ATP2C1: variants seen among roughly 807,000 people sequenced by gnomAD.
ATP2C1 encodes the protein ATPase secretory pathway Ca2+ transporting 1, also known as calcium-transporting ATPase type 2C member 1.
ATP2C1 carries 31 observed loss-of-function variants against 120.5 expected under a neutral mutation model. That is an observed-to-expected ratio of 0.26 (90% CI 0.19 to 0.35). The LOEUF (loss-of-function observed/expected upper bound fraction) is 0.35, where lower values mean the gene tolerates loss of function less well. Among genes scored for constraint, ATP2C1 ranks in the 10% least tolerant of loss-of-function variants. The probability of loss-of-function intolerance (pLI) is 1.00; values close to 1 mark genes in which losing one functional copy is unlikely to be tolerated. For synonymous variants in ATP2C1, 351 were observed against 358.7 expected, an observed-to-expected ratio of 0.98 and a Z score of 0.24; for missense variants, 731 against 1,107.5, an observed-to-expected ratio of 0.66 and a Z score of 4.83.
chr3:130,861,996 T>A (rs2068028360), intron 1 of ATP2C1, among the ~76,000 whole-genome samples: 1 of 152,128 alleles, frequency 6.6e-6, no homozygotes, highest in Non-Finnish European at 1.5e-5. Context: ...TTTTTTGAGA[T>A]GGAGTTTCGC....
chr3:130,959,469 A>G, intron 12 of ATP2C1, 128 bp downstream of exon 12: 1 of 623,046 alleles, frequency 1.6e-6, no homozygotes, highest in Non-Finnish European at 2.9e-6. Flanking sequence ...CGCTACATAA[A>G]TAGTTCAGAA....
intron 20 of ATP2C1, among the ~76,000 whole-genome samples, chr3:130,989,700 T>C (rs1471170660): frequency 2.0e-5 from 3 of 152,264 alleles, no homozygotes; most frequent in Non-Finnish European, 4.4e-5. Context: ...TTCGTTCTTT[T>C]GTTCCTTTGT....
intron 26 of ATP2C1, chr3:131,015,117 G>C (rs1196612181): frequency 3.1e-6 from 2 of 634,956 alleles, no homozygotes; most frequent in Non-Finnish European, 5.6e-6. Flanking sequence ...TCTTATTTGT[G>C]TTAGCTCAGA....
chr3:131,004,068 C>A (rs2063007311), downstream of ATP2C1, among the ~76,000 whole-genome samples: 1 of 152,086 alleles, frequency 6.6e-6, no homozygotes, highest in Non-Finnish European at 1.5e-5. Context: ...CCTGTAGGAG[C>A]CCATGAACAC....
At chr3:130,973,865 A>T (rs1251409390) in intron 17 of ATP2C1, among the ~76,000 whole-genome samples, 1 of 152,222 alleles carries the variant, frequency 6.6e-6, no homozygotes, top group Admixed American at 6.5e-5. Flanking sequence ...AAATGTGAGG[A>T]TAGAAGAAAA....
intron 8 of ATP2C1, among the ~76,000 whole-genome samples, chr3:130,950,364 G>C (rs1007309058): frequency 6.6e-6 from 1 of 152,072 alleles, no homozygotes; most frequent in Non-Finnish European, 1.5e-5. Flanking sequence ...CTGGCTGGCT[G>C]TCATGGGGCT....
chr3:130,980,175 A>G (rs1287370242), intron 19 of ATP2C1, among the ~76,000 whole-genome samples: 1 of 151,928 alleles, frequency 6.6e-6, no homozygotes, highest in African/African-American at 2.4e-5. Flanking sequence ...TCTTCGTTAC[A>G]TTTCAGCTGC....
intron 26 of ATP2C1, chr3:131,015,391 A>G (rs367910264): frequency 2.2e-5 from 13 of 587,614 alleles, no homozygotes; most frequent in African/African-American, 9.4e-5. Context: ...GTCAATTACC[A>G]AGATGTCCAA....
rs188772354 is a variant in ATP2C1, at chr3:130,879,633, T to A, written c.108+28705T>A. Among the ~76,000 whole-genome samples, 10 of 152,356 alleles carry A rather than the reference T, an allele frequency of 6.6e-5. No individual in the cohort carries two copies. The East Asian group carries it at 1.5e-3, about 24-fold the overall frequency. On this transcript the variant is annotated intron_variant, in intron 1 of 26. Transcript: ENST00000504381. ...TTCATGTTATTTTGTTTCTCTATGT[T>A]AATATCTGTGCATCTGGTGTAACCG...
At chr3:130,952,881 T>C (rs575585097) in intron 8 of ATP2C1, among the ~76,000 whole-genome samples, 327 of 152,302 alleles carry the variant, frequency 2.1e-3, no homozygotes, top group Middle Eastern at 6.8e-3. Flanking sequence ...AGCAAAGGAC[T>C]CTTAACTTCT....
At chr3:130,852,601 G>C (rs373339587) in intron 1 of ATP2C1, among the ~76,000 whole-genome samples, 25 of 152,210 alleles carry the variant, frequency 1.6e-4, no homozygotes, top group East Asian at 7.7e-4. Flanking sequence ...GAATAATTAA[G>C]AGAAATAATA....
intron 1 of ATP2C1, among the ~76,000 whole-genome samples, chr3:130,864,633 C>T (rs921330248): frequency 5.3e-5 from 8 of 152,180 alleles, no homozygotes; most frequent in Non-Finnish European, 1.2e-4. Context: ...TGTGTGCAGC[C>T]TAGGGACTTG....
chr3:130,893,700 C>G (rs1401385565), upstream of ATP2C1, among the ~76,000 whole-genome samples: 1 of 152,200 alleles, frequency 6.6e-6, no homozygotes, highest in Non-Finnish European at 1.5e-5. Context: ...CAGCTTGGGC[C>G]GACCCCGCGG....
At chr3:130,917,132 A>T (rs1003510346) in intron 2 of ATP2C1, among the ~76,000 whole-genome samples, 4 of 152,228 alleles carry the variant, frequency 2.6e-5, no homozygotes, top group Non-Finnish European at 5.9e-5. Flanking sequence ...ACTTTATAAA[A>T]TAGGCTTTGT....
chr3:130,885,928 G>A (rs566742965), intron 1 of ATP2C1, among the ~76,000 whole-genome samples: 70 of 152,282 alleles, frequency 4.6e-4, no homozygotes, highest in African/African-American at 1.7e-3. Context: ...ATGAGGGTTT[G>A]TTGTAAATAT....
At chr3:130,993,695 T>C (rs1480527656) in intron 21 of ATP2C1, among the ~76,000 whole-genome samples, 1 of 152,206 alleles carries the variant, frequency 6.6e-6, no homozygotes, top group African/African-American at 2.4e-5. Context: ...GTATAGTTGT[T>C]TGAAGAACAG....
chr3:130,946,564 C>G lies in ATP2C1; in HGVS notation c.531+4865C>G, dbSNP rs79467570. 1.1e-3 allele frequency among the ~76,000 whole-genome samples: 169 copies of G among 152,318 alleles called. 3 individuals are homozygous for G. In the East Asian group the frequency reaches 0.031, roughly 28 times the overall value. The stretch of plus-strand genomic sequence containing the variant: ...TGTGAGGCTCACATTCTTGCCCAGT[C>G]TGTTGTTAAGACCCGCTAACAAGCA... On this transcript the variant is annotated intron_variant, in intron 8 of 27. Transcript: ENST00000510168.
At chr3:130,924,056 G>T (rs2059091071) in intron 2 of ATP2C1, among the ~76,000 whole-genome samples, 1 of 151,560 alleles carries the variant, frequency 6.6e-6, no homozygotes, top group African/African-American at 2.4e-5. Context: ...GAGTATTTAG[G>T]CCATTTATAT....
At chr3:130,877,001 C>T (rs2068625726) in intron 1 of ATP2C1, among the ~76,000 whole-genome samples, 1 of 152,038 alleles carries the variant, frequency 6.6e-6, no homozygotes, top group South Asian at 2.1e-4. Context: ...TCTAAAAGTA[C>T]TTTGGTGGAG....
Sources: gnomAD v4.1 joint callset for allele counts (sites outside exome capture counted in the v4.1 genomes callset) on GRCh38, gnomAD v4.1.1 for gene constraint, MANE v1.5 for transcripts, NCBI Gene and HGNC (gene_info 2026-07-23, HGNC 2026-07-21) for gene names.